MCF2L: variants seen among roughly 807,000 people sequenced by gnomAD.
The protein encoded by MCF2L is MCF.2 cell line derived transforming sequence like.
MCF2L carries 97 observed loss-of-function variants against 153.4 expected under a neutral mutation model. That is an observed-to-expected ratio of 0.63 (90% CI 0.54 to 0.75). The LOEUF is 0.75. MCF2L is among the 30% of genes least tolerant of loss of function. The pLI is 0.00. For missense variants in MCF2L, 1,347 were observed against 1,495.2 expected (o/e 0.90, Z 1.64); for synonymous variants, 659 against 632.2 (o/e 1.04, Z -0.64).
intron 1 of MCF2L, among the ~76,000 whole-genome samples, chr13:112,895,029 GC>G (rs1268786586): frequency 6.6e-6 from 1 of 152,170 alleles, no homozygotes; most frequent in Non-Finnish European, 1.5e-5. Context: ...GGTCCCCTTG[GC>G]CACAGGTCCC....
chr13:112,899,303 G>A (rs949521847), intron 1 of MCF2L, among the ~76,000 whole-genome samples: 5 of 152,190 alleles, frequency 3.3e-5, no homozygotes, highest in Non-Finnish European at 7.3e-5. Context: ...TCCAGCCTTC[G>A]GCCTTCACTG....
At chr13:112,935,483 C>T (rs2081505730) in intron 2 of MCF2L, among the ~76,000 whole-genome samples, 1 of 152,158 alleles carries the variant, frequency 6.6e-6, no homozygotes, top group Non-Finnish European at 1.5e-5. Context: ...TCTCGAACTC[C>T]TGACCTCAGG....
rs2034737706 is a variant in MCF2L at position 113,087,416 on chromosome 13, A to G, written c.2555A>G (p.Tyr852Cys). The change falls in exon 22 of 30, where the codon TAT becomes TGT. Residue 852 changes from tyrosine to cysteine, a missense_variant. By Grantham distance (194) the Tyr-to-Cys change is radical. Around this residue, in one of 3 missense-constraint regions of MCF2L, gnomAD observed 144 missense variants for 238.7 expected, o/e 0.60. Coordinates refer to ENST00000535094, the MANE Select transcript of MCF2L (RefSeq NM_001112732.3). ...AAGAGGGAGGAGAATGGGGAGGGGTATGAGAAAGCTCCCTCCTACAGCTAC... is the reference window on the plus strand; with the variant it reads ...AAGAGGGAGGAGAATGGGGAGGGGTGTGAGAAAGCTCCCTCCTACAGCTAC... Reference protein sequence around the residue: ...CKKREENGEGYEKAPSYSYKQ... With the variant: ...CKKREENGEGCEKAPSYSYKQ... The G allele has an allele frequency of 1.9e-6, 3 of 1,612,858 alleles. No homozygotes were observed. Among genetic ancestry groups the G allele is most frequent in the Non-Finnish European group, 2.5e-6 (3 of 1,179,704 alleles).
At chr13:112,965,945 C>T (rs1056410556), upstream of MCF2L, 1 of 152,254 alleles carries the variant, frequency 6.6e-6, no homozygotes, top group Non-Finnish European at 1.5e-5. Flanking sequence ...CCATTCCCCT[C>T]ACGACACTAC....
chr13:112,945,844 G>A (rs2081631489), intron 2 of MCF2L, among the ~76,000 whole-genome samples: 2 of 152,244 alleles, frequency 1.3e-5, no homozygotes, highest in Admixed American at 6.5e-5. Flanking sequence ...GTAACATGTA[G>A]ATGGTGAATT....
chr13:113,044,737 CAG>C (rs747108221), intron 3 of MCF2L: 3 of 1,612,902 alleles, frequency 1.9e-6, no homozygotes, highest in Non-Finnish European at 2.5e-6. Flanking sequence ...GTGGCTGTCG[CAG>C]AGAGTGCTGC....
In MCF2L at chr13:113,075,854, A is replaced by T. The variant is rs548585095; in HGVS notation, c.1309-112A>T. 20 of 809,318 alleles carry T rather than the reference A, an allele frequency of 2.5e-5. No individual in the cohort carries two copies. The East Asian group carries it at 5.0e-4, about 20-fold the overall frequency. The allele number at this position is 809,318 out of a possible 1,614,324, so 50.1% of individuals were successfully genotyped here. A position where few individuals can be genotyped will look rare whatever the true frequency, so the allele number is the denominator to read the frequency against. On this transcript the variant is annotated intron_variant, in intron 11 of 29. Transcript: ENST00000535094. ...TGGACAGGGTGGCGGGAGCACGAGG[A>T]GTCGGTGGCCCGGGATCTGTCGGGA... is the stretch of plus-strand genomic sequence containing the variant.
intron 2 of MCF2L, among the ~76,000 whole-genome samples, chr13:112,946,189 C>T (rs757169788): frequency 6.6e-6 from 1 of 151,926 alleles, no homozygotes; most frequent in Non-Finnish European, 1.5e-5. Context: ...ATGTAGGAAG[C>T]ATCATTTTGC....
At position 113,078,740 on chromosome 13, in the gene MCF2L, G is replaced by C; in HGVS notation, c.1808+1G>C. The C allele has an allele frequency of 6.3e-7, 1 of 1,596,892 alleles. No individual in the cohort carries two copies. Among genetic ancestry groups the C allele is most frequent in the Non-Finnish European group, 8.5e-7 (1 of 1,176,090 alleles). On this transcript the variant is annotated splice_donor_variant, in intron 15 of 29. Coordinates refer to ENST00000535094, the MANE Select transcript of MCF2L (RefSeq NM_001112732.3). LOFTEE classifies it high-confidence loss of function. ...AGGAAAGCCTGGCCATCCTGCGCAGGTGGGTGCGCTGCCCTTCTGTCCTCA... is the reference window on the plus strand; with the variant it reads ...AGGAAAGCCTGGCCATCCTGCGCAGCTGGGTGCGCTGCCCTTCTGTCCTCA...
intron 2 of MCF2L, among the ~76,000 whole-genome samples, chr13:112,961,450 C>CA (rs1000445023): frequency 7.2e-5 from 11 of 152,214 alleles, no homozygotes; most frequent in African/African-American, 2.7e-4. Context: ...GGCTGGGGGA[C>CA]AGGGCCTCAA....
In MCF2L at chr13:112,904,217, T is replaced by C. The variant is rs1459278218; in HGVS notation, c.169+1846T>C. Among the ~76,000 whole-genome samples the C allele has an allele frequency of 6.6e-6, 1 of 151,976 alleles. No homozygotes were observed. The highest frequency in any genetic ancestry group is 2.4e-5 in the African/African-American group (1 of 41,364). On this transcript the variant is annotated intron_variant, in intron 2 of 29. Transcript: ENST00000375608. This position sits in a 1 kb window ranked among gnomAD's most constrained non-coding sequence, Gnocchi z 4.2. ...TTAGGGGTAGGGGTAGCGTTTGGGGTAAGGCAGATTTAGGACTAGGGTTAG... is the reference window on the plus strand; with the variant it reads ...TTAGGGGTAGGGGTAGCGTTTGGGGCAAGGCAGATTTAGGACTAGGGTTAG...
At chr13:113,092,743 T>C (rs2035324410) in intron 26 of MCF2L, among the ~76,000 whole-genome samples, 1 of 152,246 alleles carries the variant, frequency 6.6e-6, no homozygotes, top group Non-Finnish European at 1.5e-5. Context: ...TCCCAGGCAC[T>C]GCCGTTCCCA....
chr13:113,092,375 G>A (rs2035290959), intron 26 of MCF2L, among the ~76,000 whole-genome samples: 1 of 151,768 alleles, frequency 6.6e-6, no homozygotes, highest in Non-Finnish European at 1.5e-5. Context: ...TCAGTGTGGT[G>A]TCAGAGCCGG....
At chr13:112,955,058 G>A (rs1439949467) in intron 2 of MCF2L, among the ~76,000 whole-genome samples, 4 of 152,318 alleles carry the variant, frequency 2.6e-5, no homozygotes, top group African/African-American at 7.2e-5. Context: ...GCTGAGTGAC[G>A]GGCAACATGG....
intron 2 of MCF2L, among the ~76,000 whole-genome samples, chr13:112,925,729 T>C (rs1329863300): frequency 1.3e-5 from 2 of 152,090 alleles, no homozygotes; most frequent in East Asian, 3.9e-4. Context: ...CAGTGGTCAC[T>C]GGGTACATAC....
intron 15 of MCF2L, among the ~76,000 whole-genome samples, 195 bp from the exon 16 acceptor site, chr13:113,081,018 G>A (rs999146309): frequency 2.6e-5 from 4 of 152,226 alleles, no homozygotes; most frequent in Admixed American, 6.5e-5. Context: ...GGCTTCAGCC[G>A]CCGTCTGCAG....
intron 2 of MCF2L, among the ~76,000 whole-genome samples, chr13:112,936,303 A>G (rs979750003): frequency 7.0e-6 from 1 of 143,228 alleles, no homozygotes; most frequent in Non-Finnish European, 1.5e-5. Flanking sequence ...AAAAAAAAAA[A>G]GACCCAGTCC....
chr13:113,002,030 G>A (rs766587862), intron 1 of MCF2L: 18 of 1,503,184 alleles, frequency 1.2e-5, no homozygotes, highest in Admixed American at 2.0e-5. Context: ...AGGTGTTGTG[G>A]GGCGACAGTG....
chr13:112,981,023 T>C (rs377373065), intron 1 of MCF2L, among the ~76,000 whole-genome samples: 3 of 140,884 alleles, frequency 2.1e-5, no homozygotes, highest in East Asian at 2.1e-4. Flanking sequence ...CACTGGGGAC[T>C]CTGACACGTC....
Sources: gnomAD v4.1 joint callset for allele counts (sites outside exome capture counted in the v4.1 genomes callset) on GRCh38, gnomAD v4.1.1 for gene constraint, gnomAD v4.1.1 regional missense constraint, Gnocchi (gnomAD v3.1) non-coding constraint, MANE v1.5 for transcripts, NCBI Gene and HGNC (gene_info 2026-07-23, HGNC 2026-07-21) for gene names.